Variants in RAB23 observed in about 807,000 individuals in gnomAD.
RAB23 encodes the protein ras-related protein Rab-23.
In RAB23, 15 loss-of-function variants were observed where a neutral mutation model predicts 30.0. The observed-to-expected ratio is 0.50, with a 90% CI of 0.33 to 0.77. The LOEUF (loss-of-function observed/expected upper bound fraction) is 0.77, where lower values mean the gene tolerates loss of function less well. RAB23 is among the 30% of genes least tolerant of loss of function. RAB23 has a pLI of 0.02. For synonymous variants in RAB23, 93 were observed against 94.0 expected (o/e 0.99, Z 0.06); for missense variants, 243 against 275.4 (o/e 0.88, Z 0.83).
intron 1 of RAB23, among the ~76,000 whole-genome samples, chr6:57,217,286 T>TATAGCATATAATA (rs1433288422): frequency 2.6e-5 from 4 of 151,862 alleles, no homozygotes; most frequent in Non-Finnish European, 5.9e-5. Context: ...GCTAAATTAG[T>TATAGCATATAATA]GCTGAAATGG....
chr6:57,210,827 C>A (rs1410534335), intron 1 of RAB23, among the ~76,000 whole-genome samples: 1 of 152,120 alleles, frequency 6.6e-6, no homozygotes, highest in Non-Finnish European at 1.5e-5. Flanking sequence ...CCATCTCATA[C>A]GGTTATTGAT....
At position 57,196,516 on chromosome 6, in the gene RAB23, A is replaced by C. The variant is rs771522380; in HGVS notation, c.332T>G (p.Val111Gly). The change falls in exon 4 of 7, where the codon GTG becomes GGG. Residue 111 changes from valine to glycine, a missense_variant. Physicochemically the swap from Val to Gly is moderately radical, Grantham distance 109. Coordinates refer to ENST00000468148, the MANE Select transcript of RAB23 (RefSeq NM_016277.5). ...SSWREKVVAE[V>G]GDIPTVLVQN... The stretch of plus-strand genomic sequence containing the variant: ...CACAAGTACAGTTGGTATATCTCCC[A>C]CTTCGGCTACTACTTTCTCTCTCCA... 2.5e-6 allele frequency: 4 copies of C among 1,614,034 alleles called. No homozygotes were observed. In the Admixed American group the frequency reaches 6.7e-5, roughly 27 times the overall value.
chr6:57,192,895 T>TG (rs1764893720), intron 6 of RAB23, among the ~76,000 whole-genome samples: 1 of 152,072 alleles, frequency 6.6e-6, no homozygotes, highest in African/African-American at 2.4e-5. Flanking sequence ...AAAGCAAGCA[T>TG]GGGGCATACT....
At position 57,196,536 on chromosome 6, in the gene RAB23, T is replaced by C; in HGVS notation, c.312A>G (p.Arg104=). 2.5e-6 allele frequency: 4 copies of C among 1,614,048 alleles called. No individual in the cohort carries two copies. Among genetic ancestry groups the C allele is most frequent in the Non-Finnish European group, 3.4e-6 (4 of 1,179,980 alleles). Residue 104 remains arginine, a synonymous_variant, in exon 4 of 7, where the codon AGA becomes AGG. Coordinates refer to ENST00000468148, the MANE Select transcript of RAB23 (RefSeq NM_016277.5). ...RESFEAVSSW[R]EKVVAEVGDI... is the part of the protein sequence containing the mutation. ...CTCCCACTTCGGCTACTACTTTCTC[T>C]CTCCAACTGGAAACTGCTTCAAAAG...
chr6:57,196,997 T>G (rs972009679), intron 3 of RAB23, among the ~76,000 whole-genome samples: 7 of 152,218 alleles, frequency 4.6e-5, no homozygotes, highest in African/African-American at 1.7e-4. Context: ...AATTACAGGC[T>G]GTTGCCAAAT....
At chr6:57,208,744 T>A (rs1459331643) in intron 2 of RAB23, among the ~76,000 whole-genome samples, 1 of 152,090 alleles carries the variant, frequency 6.6e-6, no homozygotes, top group African/African-American at 2.4e-5. Context: ...GTAGTTACGT[T>A]CTATAATGTC....
intron 3 of RAB23, among the ~76,000 whole-genome samples, chr6:57,202,507 C>G (rs1470351710): frequency 6.6e-6 from 1 of 152,144 alleles, no homozygotes; most frequent in East Asian, 1.9e-4. Context: ...GGAAGTAACC[C>G]TCTCTCCCCA....
Position 57,190,404 on chromosome 6 carries a change from G to C in RAB23, c.*57C>G, listed in dbSNP as rs1202559217. On this transcript the variant is annotated 3_prime_UTR_variant, in exon 7 of 7. Coordinates refer to ENST00000468148, the MANE Select transcript of RAB23 (RefSeq NM_016277.5). ...ACCTTGTAACATACCATGACAGCTG[G>C]ATGGGTTTCTTAATGCATTGCACAA... 2.5e-6 allele frequency: 4 copies of C among 1,589,690 alleles called. No individual in the cohort carries two copies. In the African/African-American group the frequency reaches 5.4e-5, roughly 21 times the overall value.
At position 57,187,339 on chromosome 6, in the gene RAB23, G is replaced by A. The variant is rs900749006; in HGVS notation, c.*3122C>T. ...GACTGGATATTTCAGAGTCTACTGC[G>A]GGTTTTAAATATTTTGTTAGCAAAT... On this transcript the variant is annotated 3_prime_UTR_variant, in exon 7 of 7. Coordinates refer to ENST00000468148, the MANE Select transcript of RAB23 (RefSeq NM_016277.5). The A allele has an allele frequency of 6.6e-6, 1 of 152,160 alleles. No homozygotes were observed. The highest frequency in any genetic ancestry group is 1.9e-4 in the East Asian group (1 of 5,176). The allele number at this position is 152,160 out of a possible 1,614,324, so 9.4% of individuals were successfully genotyped here.
intron 1 of RAB23, among the ~76,000 whole-genome samples, chr6:57,217,556 C>A (rs1387207589): frequency 3.3e-5 from 5 of 152,204 alleles, no homozygotes; most frequent in African/African-American, 4.8e-5. Context: ...GATCCGCCCG[C>A]CGTGGCCTCC....
At chr6:57,202,897 A>T (rs919262571) in intron 3 of RAB23, among the ~76,000 whole-genome samples, 1 of 151,996 alleles carries the variant, frequency 6.6e-6, no homozygotes, top group Non-Finnish European at 1.5e-5. Context: ...TACTTTTACC[A>T]TTTAGAAAAA....
rs960506824 is a variant in RAB23, at chr6:57,187,228, C to T, written c.*3233G>A. 4 of 152,022 alleles carry T rather than the reference C, an allele frequency of 2.6e-5. No homozygotes were observed. Among genetic ancestry groups the T allele is most frequent in the African/African-American group, 9.7e-5 (4 of 41,388 alleles). The allele number at this position is 152,022 out of a possible 1,614,324, so 9.4% of individuals were successfully genotyped here. On this transcript the variant is annotated 3_prime_UTR_variant, in exon 7 of 7. Coordinates refer to ENST00000468148, the MANE Select transcript of RAB23 (RefSeq NM_016277.5). Reference sequence around the variant, plus strand: ...TTTTAAAAGACCATTTACTAACATCCTACTGTAGATATTTCGAGAGACAGA... The same window carrying T: ...TTTTAAAAGACCATTTACTAACATCTTACTGTAGATATTTCGAGAGACAGA...
At chr6:57,194,042 C>T in intron 5 of RAB23, 108 bp from the exon 6 acceptor site, 1 of 1,456,098 alleles carries the variant, frequency 6.9e-7, no homozygotes, top group Non-Finnish European at 9.2e-7. Context: ...TTTAAAGTTA[C>T]AATTAGGAGC....
intron 1 of RAB23, among the ~76,000 whole-genome samples, chr6:57,214,595 C>T (rs946653978): frequency 6.6e-6 from 1 of 152,156 alleles, no homozygotes; most frequent in Non-Finnish European, 1.5e-5. Flanking sequence ...CGAGCCACTG[C>T]GCCCAGCCCA....
rs186981717 is a variant in RAB23 at position 57,199,714 on chromosome 6, G to A, written c.242-3108C>T. On this transcript the variant is annotated intron_variant, in intron 3 of 6. Coordinates refer to ENST00000468148, the MANE Select transcript of RAB23 (RefSeq NM_016277.5). ...GGTACACAAATCTCCAAAGCAGGAC[G>A]GTTCACCTGATACCAAGCCTTTATA... Among the ~76,000 whole-genome samples, 266 of 152,180 alleles carry A rather than the reference G, an allele frequency of 1.7e-3. 2 individuals are homozygous for A. Among genetic ancestry groups the A allele is most frequent in the Middle Eastern group, 0.014 (4 of 294 alleles).
intron 1 of RAB23, among the ~76,000 whole-genome samples, chr6:57,211,154 A>G (rs1488106913): frequency 6.6e-6 from 1 of 152,202 alleles, no homozygotes; most frequent in Non-Finnish European, 1.5e-5. Flanking sequence ...ACATCTCATT[A>G]TGTACATGCA....
At chr6:57,201,048 A>C (rs1765233807) in intron 3 of RAB23, among the ~76,000 whole-genome samples, 1 of 151,982 alleles carries the variant, frequency 6.6e-6, no homozygotes, top group Admixed American at 6.6e-5. Context: ...TTCTCCTCTG[A>C]AGCAGATCCT....
intron 3 of RAB23, among the ~76,000 whole-genome samples, chr6:57,201,453 GA>G (rs1441401955): frequency 4.0e-5 from 6 of 149,726 alleles, no homozygotes; most frequent in African/African-American, 1.2e-4. Flanking sequence ...AAGAGAGAAG[GA>G]TACCAAAAGG....
chr6:57,214,505 T>C (rs1015179465), intron 1 of RAB23, among the ~76,000 whole-genome samples: 8 of 152,032 alleles, frequency 5.3e-5, no homozygotes, highest in Non-Finnish European at 7.4e-5. Context: ...GGTTTTGCCA[T>C]TTTGGCCAGG....
Sources: gnomAD v4.1 joint callset for allele counts (sites outside exome capture counted in the v4.1 genomes callset) on GRCh38, gnomAD v4.1.1 for gene constraint, MANE v1.5 for transcripts, NCBI Gene and HGNC (gene_info 2026-07-23, HGNC 2026-07-21) for gene names.